The following HOOK3 variants were observed in gnomAD, a reference collection of about 807,000 sequenced individuals.
HOOK3 encodes hook microtubule tethering protein 3.
A neutral mutation model predicts 116.3 loss-of-function variants in HOOK3; 24 were observed. The ratio of observed to expected loss-of-function variants is 0.21; its 90% CI spans 0.15 to 0.29. The LOEUF (loss-of-function observed/expected upper bound fraction) is 0.29, where lower values mean the gene tolerates loss of function less well. Ranked by LOEUF, HOOK3 falls within the 10% of genes least tolerant of loss-of-function variation. The pLI is 1.00. For missense variants in HOOK3, 632 were observed against 830.2 expected, an observed-to-expected ratio of 0.76 and a Z score of 2.93; for synonymous variants, 275 against 283.0, an observed-to-expected ratio of 0.97 and a Z score of 0.28.
At chr8:42,919,314 C>T (rs974163661) in intron 2 of HOOK3, among the ~76,000 whole-genome samples, 9 of 151,106 alleles carry the variant, frequency 6.0e-5, no homozygotes, top group African/African-American at 1.7e-4. Flanking sequence ...GGGGTGGCGG[C>T]GGGGCAGAGA....
At chr8:42,941,233 C>T (rs565324325) in intron 4 of HOOK3, among the ~76,000 whole-genome samples, 7 of 149,494 alleles carry the variant, frequency 4.7e-5, no homozygotes, top group South Asian at 4.3e-4. Context: ...AGGCATGAGC[C>T]GGCTGGGCGC....
Position 42,968,116 on chromosome 8 carries a change from G to C in HOOK3, c.1024G>C (p.Glu342Gln). 6.2e-7 allele frequency: 1 copy of C among 1,612,726 alleles called. No homozygotes were observed. Among genetic ancestry groups the C allele is most frequent in the South Asian group, 1.1e-5 (1 of 91,044 alleles). ...AAGGCGGCAGGTTAAACTCTTAGAA[G>C]AGAAGAATACCATGTATATGCAGAA... is the stretch of plus-strand genomic sequence containing the variant. ...DLRRQVKLLEEKNTMYMQNTV... is the reference protein window; with the variant it reads ...DLRRQVKLLEQKNTMYMQNTV... Residue 342 changes from glutamate to glutamine, a missense_variant, in exon 11 of 22, where the codon GAG becomes CAG. Physicochemically the swap from Glu to Gln is conservative, Grantham distance 29. Around this residue, in one of 3 missense-constraint regions of HOOK3, gnomAD observed 483 missense variants for 648.1 expected, o/e 0.75. Transcript: ENST00000307602.
chr8:43,008,938 C>T lies in HOOK3; in HGVS notation c.1738+1009C>T, dbSNP rs1489247571. On this transcript the variant is annotated intron_variant, in intron 18 of 21. Coordinates refer to ENST00000307602, the MANE Select transcript of HOOK3 (RefSeq NM_032410.4). The stretch of plus-strand genomic sequence containing the variant: ...CCTCCCAAAGTGCTGGGATTACAGG[C>T]GTGAGCCACCGCGCCCGGCCTAAAT... 3.3e-5 allele frequency among the ~76,000 whole-genome samples: 5 copies of T among 152,000 alleles called. No homozygotes were observed. The South Asian group carries it at 8.3e-4, about 25-fold the overall frequency.
intron 13 of HOOK3, among the ~76,000 whole-genome samples, chr8:42,974,634 C>T (rs1481886883): frequency 6.6e-6 from 1 of 152,224 alleles, no homozygotes; most frequent in East Asian, 1.9e-4. Context: ...CCCACGTGCG[C>T]TCCTCCTCGC....
chr8:43,024,802 T>C lies in HOOK3; in HGVS notation c.*6304T>C, dbSNP rs966045071. On this transcript the variant is annotated 3_prime_UTR_variant, in exon 22 of 22. Transcript: ENST00000307602. ...GAAGCCTAAAAAACATAACATAATATGCTAACAGAGCTAATTTCCACCCAA... is the reference window on the plus strand; with the variant it reads ...GAAGCCTAAAAAACATAACATAATACGCTAACAGAGCTAATTTCCACCCAA... 1 of 204,260 alleles carries C rather than the reference T, an allele frequency of 4.9e-6. No individual in the cohort carries two copies. The highest frequency in any genetic ancestry group is 7.5e-5 in the East Asian group (1 of 13,368). 12.7% of individuals were successfully genotyped at this position (204,260 alleles called of 1,614,324 possible).
intron 15 of HOOK3, chr8:42,994,320 C>G (rs73627273): frequency 0.034 from 9,500 of 277,376 alleles, 389 homozygotes; most frequent in African/African-American, 0.12. Flanking sequence ...CCAGCCTGCT[C>G]TTATCTTTAT....
chr8:42,922,057 G>A (rs34152125), intron 2 of HOOK3, among the ~76,000 whole-genome samples: 7,215 of 152,208 alleles, frequency 0.047, 228 homozygotes, highest in South Asian at 0.086. Flanking sequence ...GATTATCCAC[G>A]TGCTAAACAA....
chr8:42,970,782 CTTTTTTTTTT>C (rs764513803), intron 11 of HOOK3, among the ~76,000 whole-genome samples: 57 of 93,892 alleles, frequency 6.1e-4, no homozygotes, highest in Non-Finnish European at 8.0e-4. Flanking sequence ...GAATTTGGGT[CTTTTTTTTTT>C]TTTTTTTTTT....
At chr8:42,964,808 C>T (rs1808601619) in intron 9 of HOOK3, among the ~76,000 whole-genome samples, 2 of 147,164 alleles carry the variant, frequency 1.4e-5, no homozygotes, top group South Asian at 2.1e-4. Flanking sequence ...GCCTGGGCAA[C>T]AGAACGCGAC....
At chr8:42,906,705 A>G (rs1807318189) in intron 2 of HOOK3, among the ~76,000 whole-genome samples, 6 of 152,162 alleles carry the variant, frequency 3.9e-5, no homozygotes, top group Admixed American at 3.9e-4. Context: ...CAAGTTTGTG[A>G]CACCATCTGA....
chr8:42,932,955 G>T (rs1807900189), intron 4 of HOOK3, among the ~76,000 whole-genome samples: 1 of 151,998 alleles, frequency 6.6e-6, no homozygotes, highest in African/African-American at 2.4e-5. Flanking sequence ...TGTGCATTTA[G>T]TAATTCATTT....
At chr8:43,004,748 A>C (rs1809445176) in intron 17 of HOOK3, among the ~76,000 whole-genome samples, 1 of 152,052 alleles carries the variant, frequency 6.6e-6, no homozygotes. Context: ...ACATTTAAAA[A>C]ATCCAACATA....
chr8:42,928,987 A>C (rs1224988289), intron 3 of HOOK3, among the ~76,000 whole-genome samples: 1 of 152,198 alleles, frequency 6.6e-6, no homozygotes, highest in Non-Finnish European at 1.5e-5. Context: ...GGTTGCAGTG[A>C]GCCAAGATTG....
At chr8:42,918,096 A>C (rs948485750) in intron 2 of HOOK3, among the ~76,000 whole-genome samples, 2 of 152,210 alleles carry the variant, frequency 1.3e-5, no homozygotes, top group Non-Finnish European at 2.9e-5. Context: ...AGAAAATTAC[A>C]TTGGGCCGAG....
chr8:42,939,781 G>T (rs1808065132), intron 4 of HOOK3, among the ~76,000 whole-genome samples: 1 of 151,202 alleles, frequency 6.6e-6, no homozygotes. Flanking sequence ...CAGCTGCCGG[G>T]CAGAGGGTCT....
At chr8:42,995,866 A>G (rs1809254298) in intron 15 of HOOK3, among the ~76,000 whole-genome samples, 3 of 151,984 alleles carry the variant, frequency 2.0e-5, no homozygotes, top group Non-Finnish European at 4.4e-5. Flanking sequence ...TATTTCAGGC[A>G]TATTTAGTAA....
chr8:42,924,926 T>TCA (rs1807732750), intron 2 of HOOK3, among the ~76,000 whole-genome samples: 1 of 149,906 alleles, frequency 6.7e-6, no homozygotes, highest in African/African-American at 2.5e-5. Context: ...TGAGCCGAGA[T>TCA]CACACCATTG....
intron 4 of HOOK3, among the ~76,000 whole-genome samples, chr8:42,931,102 A>AG (rs1359189327): frequency 6.6e-6 from 1 of 152,184 alleles, no homozygotes; most frequent in Non-Finnish European, 1.5e-5. Context: ...AAGGCACTGG[A>AG]GCCACATTCT....
intron 17 of HOOK3, among the ~76,000 whole-genome samples, chr8:43,006,207 A>T (rs1231193652): frequency 1.5e-4 from 22 of 148,906 alleles, no homozygotes; most frequent in East Asian, 6.0e-4. Context: ...TTTTTAGTAG[A>T]GATGGGGTTT....
Sources: allele counts gnomAD v4.1 joint callset (sites outside exome capture counted in the v4.1 genomes callset), GRCh38; gene constraint gnomAD v4.1.1; regional missense constraint gnomAD v4.1.1; transcripts MANE v1.5; gene names NCBI Gene and HGNC (gene_info 2026-07-23, HGNC 2026-07-21).